EFCAB9: variants seen among roughly 807,000 people sequenced by gnomAD.
EFCAB9 encodes the protein EF-hand calcium binding domain 9, also known as EF-hand calcium-binding domain-containing protein 9.
A neutral mutation model predicts 15.6 loss-of-function variants in EFCAB9; 16 were observed. The ratio of observed to expected loss-of-function variants is 1.03; its 90% CI spans 0.69 to 1.56. The LOEUF is 1.56. EFCAB9 is among the 40% of genes most tolerant of loss of function. The pLI, the probability that EFCAB9 is intolerant of heterozygous loss-of-function variation, is 0.00. For missense variants in EFCAB9, 208 were observed against 235.4 expected, an observed-to-expected ratio of 0.88 and a Z score of 0.76; for synonymous variants, 76 against 85.4, an observed-to-expected ratio of 0.89 and a Z score of 0.61.
intron 3 of EFCAB9, among the ~76,000 whole-genome samples, chr5:172,202,280 G>A (rs1483928672): frequency 1.4e-5 from 2 of 141,388 alleles, no homozygotes; most frequent in African/African-American, 2.7e-5. Context: ...GGCGGAGCTT[G>A]CAGTGAGCCG....
chr5:172,200,859 A>G, intron 3 of EFCAB9, 117 bp downstream of exon 3: 1 of 994,018 alleles, frequency 1.0e-6, no homozygotes, highest in Non-Finnish European at 1.4e-6. Context: ...AAACCTACTC[A>G]AATAAGCACA....
chr5:172,199,664 C>A (rs1468752574), intron 2 of EFCAB9, 133 bp downstream of exon 2: 8 of 1,338,210 alleles, frequency 6.0e-6, no homozygotes, highest in Non-Finnish European at 8.0e-6. Context: ...TTTTGGTTCC[C>A]GAATGGTTCA....
chr5:172,201,273 G>T (rs1771252798), intron 3 of EFCAB9, among the ~76,000 whole-genome samples: 1 of 152,244 alleles, frequency 6.6e-6, no homozygotes, highest in African/African-American at 2.4e-5. Context: ...TACTTGGGAG[G>T]CTGAGGCAGG....
rs1771287535 is a variant in EFCAB9 at position 172,203,205 on chromosome 5, T to TC, written c.463-9_463-8insC. 6.8e-6 allele frequency: 3 copies of TC among 440,206 alleles called. No individual in the cohort carries two copies. Among genetic ancestry groups the TC allele is most frequent in the Middle Eastern group, 5.6e-4 (1 of 1,782 alleles). The allele number at this position is 440,206 out of a possible 1,614,324, so 27.3% of individuals were successfully genotyped here. On this transcript the variant is annotated splice_polypyrimidine_tract_variant and intron_variant, in intron 3 of 3. Transcript: ENST00000398186. ...AATAATTTTTCTTTCCCCCCCACCC[T>TC]AACCAAAGCGTCTTAATTATCAGGA...
chr5:172,199,717 G>A (rs937959068), intron 2 of EFCAB9, among the ~76,000 whole-genome samples, 186 bp downstream of exon 2: 6 of 151,994 alleles, frequency 3.9e-5, no homozygotes, highest in Non-Finnish European at 7.4e-5. Context: ...CAGCCTCTTG[G>A]CCGCCCTCCT....
intron 2 of EFCAB9, among the ~76,000 whole-genome samples, chr5:172,200,330 C>T (rs1046020615): frequency 2.0e-5 from 3 of 152,140 alleles, no homozygotes; most frequent in South Asian, 2.1e-4. Flanking sequence ...ACTAGGGTTC[C>T]GTCTAGCAGA....
chr5:172,200,431 C>A (rs1771237611), intron 2 of EFCAB9, 135 bp from the exon 3 acceptor site: 6 of 877,156 alleles, frequency 6.8e-6, no homozygotes, highest in Non-Finnish European at 1.0e-5. Flanking sequence ...ACCCTTTCAG[C>A]CCTGAGCTTC....
Position 172,203,342 on chromosome 5 carries a change from G to A in EFCAB9, c.591G>A (p.Lys197=). The change falls in exon 4 of 4, where the codon AAG becomes AAA. Residue 197 remains lysine (K), a synonymous_variant. Transcript: ENST00000398186. The part of the protein sequence containing the change: ...KRSLYSKCHI[K] ...GTCTCTACTCAAAATGTCACATCAA[G>A]TAGATACAAGCTGAAAGAGTCTTGG... is the stretch of plus-strand genomic sequence containing the variant. 6.5e-7 allele frequency: 1 copy of A among 1,530,476 alleles called. No individual in the cohort carries two copies. The allele number at this position is 1,530,476 out of a possible 1,614,324, so 94.8% of individuals were successfully genotyped here.
At chr5:172,201,813 A>T (rs1471670775) in intron 3 of EFCAB9, among the ~76,000 whole-genome samples, 1 of 152,046 alleles carries the variant, frequency 6.6e-6, no homozygotes, top group African/African-American at 2.4e-5. Flanking sequence ...GTTCCAGGCC[A>T]GCCCGGGCAA....
rs3028127 is a variant in EFCAB9, at chr5:172,195,153, AAAATAAATAAAT to A, written c.136+865_136+876del. On this transcript the variant is annotated intron_variant, in intron 1 of 3. Transcript: ENST00000398186. ...ACTTATTGGTACTTGTGAATGACCAAAAATAAATAAATAAATAAATAAATAAATAAAAATAAA... is the reference window on the plus strand; with the variant it reads ...ACTTATTGGTACTTGTGAATGACCAAAAATAAATAAATAAATAAAAATAAA... Among the ~76,000 whole-genome samples, 5 of 145,090 alleles carry A rather than the reference AAAATAAATAAAT, an allele frequency of 3.4e-5. No homozygotes were observed. The South Asian group carries it at 6.4e-4, about 19-fold the overall frequency.
chr5:172,194,412 T>TA, intron 1 of EFCAB9, 104 bp downstream of exon 1: 1 of 1,420,944 alleles, frequency 7.0e-7, no homozygotes, highest in Admixed American at 2.6e-5. Flanking sequence ...ACATTTTTTT[T>TA]TTTTTGAGAC....
intron 1 of EFCAB9, among the ~76,000 whole-genome samples, chr5:172,196,270 A>G (rs899048212): frequency 1.3e-5 from 2 of 152,176 alleles, no homozygotes; most frequent in African/African-American, 4.8e-5. Flanking sequence ...GAACATCAAG[A>G]GGCGGTCAGA....
At chr5:172,202,136 C>T (rs1771264220) in intron 3 of EFCAB9, among the ~76,000 whole-genome samples, 2 of 151,602 alleles carry the variant, frequency 1.3e-5, no homozygotes, top group South Asian at 2.1e-4. Context: ...GACAGGAGAT[C>T]GAGACCATCT....
chr5:172,198,351 A>G (rs1011504970), intron 1 of EFCAB9, among the ~76,000 whole-genome samples: 8 of 152,130 alleles, frequency 5.3e-5, no homozygotes, highest in Non-Finnish European at 1.2e-4. Context: ...TCTACAAAAA[A>G]TTAAAAAATT....
Position 172,199,369 on chromosome 5 carries a change from GC to G in EFCAB9, c.137-11del, listed in dbSNP as rs1249900299. On this transcript the variant is annotated splice_polypyrimidine_tract_variant and intron_variant, in intron 1 of 3. Transcript: ENST00000398186. ...ATCCAAATAACACATCTCCTCACCT[GC>G]CCACCTTAACAGATGTGCTGTTCTA... 6.5e-7 allele frequency: 1 copy of G among 1,536,782 alleles called. No homozygotes were observed. The highest frequency in any genetic ancestry group is 8.7e-7 in the Non-Finnish European group (1 of 1,146,668).
In EFCAB9 at chr5:172,194,277, T is replaced by G; in HGVS notation, c.105T>G (p.Ile35Met). The G allele has an allele frequency of 6.5e-7, 1 of 1,537,956 alleles. No individual in the cohort carries two copies. Residue 35 changes from isoleucine to methionine, a missense_variant, in exon 1 of 4, where the codon ATT (isoleucine) becomes ATG (methionine). Physicochemically the swap from Ile to Met is conservative, Grantham distance 10. Coordinates refer to ENST00000398186, the MANE Select transcript of EFCAB9 (RefSeq NM_001171183.2). ...NVKALAEYFH[I>M]LDVHGKNTLN... ...AGGCTTTGGCAGAATATTTTCATATTCTGGACGTGCACGGCAAGAACACCT... is the reference window on the plus strand; with the variant it reads ...AGGCTTTGGCAGAATATTTTCATATGCTGGACGTGCACGGCAAGAACACCT...
intron 2 of EFCAB9, among the ~76,000 whole-genome samples, chr5:172,199,930 TC>T (rs1410348763): frequency 1.4e-5 from 2 of 143,510 alleles, no homozygotes; most frequent in East Asian, 4.3e-4. Flanking sequence ...TTACCCAGTT[TC>T]CTTTTTTTTT....
At position 172,194,289 on chromosome 5, in the gene EFCAB9, C is replaced by A. The variant is rs140080604; in HGVS notation, c.117C>A (p.His39Gln). ...LAEYFHILDV[H>Q]GKNTLNDVLF... Reference sequence around the variant, plus strand: ...AATATTTTCATATTCTGGACGTGCACGGCAAGAACACCTTGAATGGTCAGT... The same window carrying A: ...AATATTTTCATATTCTGGACGTGCAAGGCAAGAACACCTTGAATGGTCAGT... The change falls in exon 1 of 4, where the codon CAC (histidine) becomes CAA (glutamine). Residue 39 changes from histidine (H) to glutamine (Q), a missense_variant. His to Gln is a conservative substitution (Grantham distance 24). Transcript: ENST00000398186. 1 of 1,537,740 alleles carries A rather than the reference C, an allele frequency of 6.5e-7. No individual in the cohort carries two copies. Among genetic ancestry groups the A allele is most frequent in the Non-Finnish European group, 8.7e-7 (1 of 1,147,062 alleles).
chr5:172,202,703 G>A (rs1323072638), intron 3 of EFCAB9, among the ~76,000 whole-genome samples: 7 of 150,378 alleles, frequency 4.7e-5, no homozygotes, highest in South Asian at 2.1e-4. Flanking sequence ...GTGAGACCCC[G>A]TCTCAAAAAA....
Sources: gnomAD v4.1 joint callset for allele counts (sites outside exome capture counted in the v4.1 genomes callset) on GRCh38, gnomAD v4.1.1 for gene constraint, MANE v1.5 for transcripts, NCBI Gene and HGNC (gene_info 2026-07-23, HGNC 2026-07-21) for gene names.